THSD7A: variants seen among roughly 807,000 people sequenced by gnomAD.
The protein encoded by THSD7A is thrombospondin type 1 domain containing 7A.
In THSD7A, 96 loss-of-function variants were observed where a neutral mutation model predicts 231.3. The observed-to-expected ratio is 0.41, with a 90% CI of 0.35 to 0.49. THSD7A has a LOEUF of 0.49. THSD7A is among the 20% of genes least tolerant of loss of function. The pLI, the probability that THSD7A is intolerant of heterozygous loss-of-function variation, is 0.05. For missense variants in THSD7A, 2,290 were observed against 2,070.2 expected, an observed-to-expected ratio of 1.11 and a Z score of -2.06; for synonymous variants, 940 against 743.3, an observed-to-expected ratio of 1.26 and a Z score of -4.30.
intron 1 of THSD7A, among the ~76,000 whole-genome samples, chr7:11,685,444 A>G (rs1264455115): frequency 2.0e-5 from 3 of 152,014 alleles, no homozygotes; most frequent in African/African-American, 7.2e-5. Flanking sequence ...GACAACATAC[A>G]GAAAGAGTGA....
intron 3 of THSD7A, among the ~76,000 whole-genome samples, chr7:11,592,307 C>T (rs751112768): frequency 8.5e-5 from 13 of 152,112 alleles, no homozygotes; most frequent in African/African-American, 1.4e-4. Flanking sequence ...TAGTAATTTG[C>T]CTCCCCACTG....
At position 11,820,455 on chromosome 7, in the gene THSD7A, C is replaced by G. The variant is rs1416938626; in HGVS notation, c.190+11302G>C. ...TGGTGCTTGATTTCCAGAACATGAA[C>G]CGGCCCTGACCCGGAGGTCATCATG... On this transcript the variant is annotated intron_variant, in intron 1 of 27. Coordinates refer to ENST00000423059, the MANE Select transcript of THSD7A (RefSeq NM_015204.3). 4.7e-6 allele frequency: 6 copies of G among 1,273,130 alleles called. No individual in the cohort carries two copies. In the East Asian group the frequency reaches 1.3e-4, roughly 27 times the overall value. 78.9% of individuals were successfully genotyped at this position (1,273,130 alleles called of 1,614,324 possible). A position where few individuals can be genotyped will look rare whatever the true frequency, so the allele number is the denominator to read the frequency against.
chr7:11,742,892 T>C (rs1312796696), intron 1 of THSD7A, among the ~76,000 whole-genome samples: 2 of 151,924 alleles, frequency 1.3e-5, no homozygotes, highest in Non-Finnish European at 2.9e-5. Context: ...GTTCTGTTCA[T>C]TGAGGTTTAC....
At chr7:11,605,147 A>T (rs1780692747) in intron 2 of THSD7A, among the ~76,000 whole-genome samples, 1 of 151,608 alleles carries the variant, frequency 6.6e-6, no homozygotes. Context: ...ACATATTTAA[A>T]CTCTCTCCTT....
At chr7:11,481,410 T>C (rs1786418631) in intron 7 of THSD7A, among the ~76,000 whole-genome samples, 1 of 152,150 alleles carries the variant, frequency 6.6e-6, no homozygotes, top group Non-Finnish European at 1.5e-5. Flanking sequence ...GAAGGTAGAA[T>C]ATGATTTTCA....
At chr7:11,809,749 TA>T (rs1405774769) in intron 1 of THSD7A, among the ~76,000 whole-genome samples, 4 of 152,168 alleles carry the variant, frequency 2.6e-5, no homozygotes, top group Non-Finnish European at 4.4e-5. Flanking sequence ...ACGTATATAC[TA>T]ACAACATATT....
At chr7:11,552,122 C>G (rs558780210) in intron 4 of THSD7A, among the ~76,000 whole-genome samples, 1 of 151,968 alleles carries the variant, frequency 6.6e-6, no homozygotes, top group Non-Finnish European at 1.5e-5. Flanking sequence ...TAAACATGAA[C>G]ACAAAGTAGG....
At chr7:11,654,947 G>GA (rs1212206864) in intron 1 of THSD7A, among the ~76,000 whole-genome samples, 2 of 151,884 alleles carry the variant, frequency 1.3e-5, no homozygotes, top group Non-Finnish European at 2.9e-5. Context: ...CATATTGAAG[G>GA]AAATTGTAAA....
intron 6 of THSD7A, among the ~76,000 whole-genome samples, chr7:11,532,885 A>C (rs1788762971): frequency 6.6e-6 from 1 of 152,152 alleles, no homozygotes; most frequent in African/African-American, 2.4e-5. Context: ...TCTCTGGGAA[A>C]AAGTAAGAAG....
At chr7:11,428,273 T>C (rs905264084) in intron 14 of THSD7A, among the ~76,000 whole-genome samples, 2 of 152,224 alleles carry the variant, frequency 1.3e-5, no homozygotes, top group Admixed American at 6.5e-5. Context: ...ATTGTCTGAT[T>C]ATGTTACATT....
At chr7:11,515,217 C>A (rs1250017584) in intron 6 of THSD7A, among the ~76,000 whole-genome samples, 1 of 152,152 alleles carries the variant, frequency 6.6e-6, no homozygotes, top group Non-Finnish European at 1.5e-5. Flanking sequence ...ATTCATTAGA[C>A]TCTGTATCAA....
At chr7:11,791,352 G>C (rs923607330) in intron 1 of THSD7A, among the ~76,000 whole-genome samples, 2 of 151,904 alleles carry the variant, frequency 1.3e-5, no homozygotes, top group African/African-American at 4.8e-5. Context: ...AATTTTACTG[G>C]ACTGCTTTCC....
intron 1 of THSD7A, among the ~76,000 whole-genome samples, chr7:11,787,074 T>C (rs939967884): frequency 1.3e-5 from 2 of 152,116 alleles, no homozygotes; most frequent in African/African-American, 4.8e-5. Flanking sequence ...AAAGGTAACA[T>C]TGAACTGACT....
intron 6 of THSD7A, among the ~76,000 whole-genome samples, chr7:11,509,271 A>G: frequency 6.6e-6 from 1 of 152,150 alleles, no homozygotes; most frequent in Non-Finnish European, 1.5e-5. Context: ...ATGCATAGCA[A>G]TTGGCAAGTA....
chr7:11,543,242 A>G (rs944542813), intron 4 of THSD7A, 125 bp from the exon 5 acceptor site: 4 of 734,374 alleles, frequency 5.4e-6, no homozygotes, highest in Non-Finnish European at 6.4e-6. Flanking sequence ...ACATTATTCC[A>G]ATGCTTCTCA....
chr7:11,633,530 G>A (rs771363120), intron 2 of THSD7A, among the ~76,000 whole-genome samples: 1 of 152,260 alleles, frequency 6.6e-6, no homozygotes, highest in African/African-American at 2.4e-5. Flanking sequence ...CCCTCAGAAA[G>A]TTCAGGCTAC....
chr7:11,443,785 A>G (rs998920508), intron 13 of THSD7A, among the ~76,000 whole-genome samples: 26 of 152,082 alleles, frequency 1.7e-4, no homozygotes, highest in African/African-American at 6.0e-4. Flanking sequence ...CAGAGTACAT[A>G]CATACTCCTG....
chr7:11,376,757 T>G, intron 26 of THSD7A, 100 bp from the exon 27 acceptor site: 1 of 714,064 alleles, frequency 1.4e-6, no homozygotes, highest in South Asian at 2.6e-5. Flanking sequence ...ACCAATTTCT[T>G]TCAAAACCCG....
intron 1 of THSD7A, among the ~76,000 whole-genome samples, chr7:11,771,067 G>T (rs1783212367): frequency 6.6e-6 from 1 of 150,666 alleles, no homozygotes; most frequent in South Asian, 2.1e-4. Flanking sequence ...TTTTCTCATA[G>T]ATCAATTTTT....
Sources: gnomAD v4.1 joint callset for allele counts (sites outside exome capture counted in the v4.1 genomes callset) on GRCh38, gnomAD v4.1.1 for gene constraint, MANE v1.5 for transcripts, NCBI Gene and HGNC (gene_info 2026-07-23, HGNC 2026-07-21) for gene names.